RIF1: variants seen among roughly 807,000 people sequenced by gnomAD.
The protein encoded by RIF1 is replication timing regulatory factor 1.
Under a neutral mutation model 247.1 loss-of-function variants are expected in RIF1, and 45 were observed. The ratio of observed to expected loss-of-function variants is 0.18; its 90% CI spans 0.14 to 0.23. The LOEUF (loss-of-function observed/expected upper bound fraction) is 0.23. Among genes scored for constraint, RIF1 ranks in the 10% least tolerant of loss-of-function variants. The pLI, the probability that RIF1 is intolerant of heterozygous loss-of-function variation, is 1.00. For synonymous variants in RIF1, 1,087 were observed against 978.8 expected (o/e 1.11, Z -2.06); for missense variants, 2,967 against 2,862.5 (o/e 1.04, Z -0.83).
intron 11 of RIF1, chr2:151,501,269 T>C (rs921236448): frequency 3.2e-6 from 2 of 623,650 alleles, no homozygotes; most frequent in African/African-American, 3.7e-5. Context: ...AAGGATTCAG[T>C]TGATGTGATT....
chr2:151,412,738 C>T (rs1196976943), intron 3 of RIF1, among the ~76,000 whole-genome samples: 1 of 152,136 alleles, frequency 6.6e-6, no homozygotes, highest in East Asian at 1.9e-4. Context: ...CCGCCTTGGC[C>T]TCTCAGAGGG....
rs1573821165 is a variant in RIF1, at chr2:151,411,326, C to A, written c.171C>A (p.Tyr57Ter). 6.3e-7 allele frequency: 1 copy of A among 1,585,128 alleles called. No homozygotes were observed. The highest frequency in any genetic ancestry group is 8.6e-7 in the Non-Finnish European group (1 of 1,159,354). Residue 57 changes from tyrosine to a stop codon, truncating the protein, a stop_gained, in exon 3 of 36, where the codon TAC becomes TAA. Coordinates refer to ENST00000444746, the MANE Select transcript of RIF1 (RefSeq NM_018151.5). LOFTEE classifies it high-confidence loss of function. ...TEIEKKLPRL[Y>*]KVLKTHISSQ... is the part of the protein sequence containing the mutation. ...TTGAGAAAAAACTTCCTCGGCTGTA[C>A]AAAGTTTTAAAGGTATGTATCTGTT... is the stretch of plus-strand genomic sequence containing the variant.
chr2:151,487,045 T>TTG (rs568565482), downstream of RIF1, among the ~76,000 whole-genome samples: 386 of 151,720 alleles, frequency 2.5e-3, no homozygotes, highest in Non-Finnish European at 4.5e-3. Flanking sequence ...ATGCATGAAA[T>TTG]TGTGTGTGTG....
chr2:151,496,555 C>T (rs1392897604), intron 10 of RIF1, among the ~76,000 whole-genome samples: 1 of 152,176 alleles, frequency 6.6e-6, no homozygotes, highest in Non-Finnish European at 1.5e-5. Flanking sequence ...AATCTGCACC[C>T]TCTAGAGAAG....
At chr2:151,503,774 G>A (rs77695696) in intron 12 of RIF1, among the ~76,000 whole-genome samples, 3 of 152,154 alleles carry the variant, frequency 2.0e-5, no homozygotes, top group African/African-American at 4.8e-5. Context: ...TAGTAGGCCT[G>A]CAGTAGACTT....
At position 151,476,327 on chromosome 2, in the gene RIF1, G is replaced by A. The variant is rs939412473; in HGVS notation, c.*1256G>A. ...GCCTAGGTTTTCTTTTTTTAAAGAG[G>A]TATGTAATTAAAACCTTTGTAAAAT... On this transcript the variant is annotated 3_prime_UTR_variant, in exon 36 of 36. Coordinates refer to ENST00000444746, the MANE Select transcript of RIF1 (RefSeq NM_018151.5). 3.3e-5 allele frequency: 5 copies of A among 152,234 alleles called. No homozygotes were observed. The South Asian group carries it at 6.2e-4, about 19-fold the overall frequency. 9.4% of individuals were successfully genotyped at this position (152,234 alleles called of 1,614,324 possible). A position where few individuals can be genotyped will look rare whatever the true frequency, so the allele number is the denominator to read the frequency against.
Position 151,437,004 on chromosome 2 carries a change from G to C in RIF1, c.1372+1G>C. The C allele has an allele frequency of 6.2e-7, 1 of 1,605,020 alleles. No homozygotes were observed. Among genetic ancestry groups the C allele is most frequent in the Non-Finnish European group, 8.5e-7 (1 of 1,176,504 alleles). ...CAAAATAAACTTGTGCTGAGCTTAG[G>C]TATTTAAAGGTTTTAAGAATAATTT... On this transcript the variant is annotated splice_donor_variant, in intron 12 of 35. Transcript: ENST00000444746. LOFTEE classifies it high-confidence loss of function.
rs1180624182 is a variant in RIF1, at chr2:151,463,462, T to C, written c.3942T>C (p.Thr1314=). 3.1e-6 allele frequency: 5 copies of C among 1,614,042 alleles called. No individual in the cohort carries two copies. Among genetic ancestry groups the C allele is most frequent in the Non-Finnish European group, 3.4e-6 (4 of 1,179,952 alleles). The change falls in exon 30 of 36, where the codon ACT becomes ACC. Residue 1314 remains threonine (T), a synonymous_variant. Coordinates refer to ENST00000444746, the MANE Select transcript of RIF1 (RefSeq NM_018151.5). ...TGAGATCTGAGCCGGAGAAAAATAC[T>C]GAGGAATCTGTTGAAGGCATTGTAG... ...PLMRSEPEKN[T]EESVEGIVVL...
In RIF1 at chr2:151,463,865, A is replaced by G; in HGVS notation, c.4345A>G (p.Lys1449Glu). The G allele has an allele frequency of 6.2e-7, 1 of 1,612,472 alleles. No individual in the cohort carries two copies. Among genetic ancestry groups the G allele is most frequent in the South Asian group, 1.1e-5 (1 of 90,616 alleles). ...QKKERRKEEE[K>E]PLQKSPLHIK... ...AAAGGAACGACGTAAGGAAGAAGAA[A>G]AACCTCTTCAGAAGAGTCCATTGCA... Residue 1449 changes from lysine to glutamate, a missense_variant, in exon 30 of 36, where the codon AAA (lysine) becomes GAA (glutamate). Around this residue, in one of 7 missense-constraint regions of RIF1, gnomAD observed 2,028 missense variants for 1,825.6 expected, o/e 1.11. Transcript: ENST00000444746.
chr2:151,514,216 TTTCTCTG>T, the RIF1 span: 2 of 779,360 alleles, frequency 2.6e-6, no homozygotes, highest in Non-Finnish European at 4.4e-6. Flanking sequence ...AAGCTCTGTT[TTTCTCTG>T]TTCTCTGTTT....
In RIF1 at chr2:151,506,910, G is replaced by A. The variant is rs200454939; in HGVS notation, c.*1027+535G>A. 39 of 1,583,750 alleles carry A rather than the reference G, an allele frequency of 2.5e-5. No homozygotes were observed. The highest frequency in any genetic ancestry group is 1.1e-4 in the African/African-American group (8 of 74,214). On this transcript the variant is annotated intron_variant and NMD_transcript_variant, in intron 13 of 13. Transcript: ENST00000454583. ...ATGCAAAATAAATAGTAAATATACCGAGCTGAAATTCTTCTGATTTTCTTT... is the reference window on the plus strand; with the variant it reads ...ATGCAAAATAAATAGTAAATATACCAAGCTGAAATTCTTCTGATTTTCTTT...
At chr2:151,447,329 A>T (rs1002210911) in intron 20 of RIF1, among the ~76,000 whole-genome samples, 4 of 152,210 alleles carry the variant, frequency 2.6e-5, no homozygotes, top group African/African-American at 9.6e-5. Flanking sequence ...CTGTTTACGC[A>T]TGTCATTTGT....
intron 9 of RIF1, among the ~76,000 whole-genome samples, chr2:151,431,072 T>A (rs910841457): frequency 1.3e-5 from 2 of 152,176 alleles, no homozygotes; most frequent in African/African-American, 4.8e-5. Context: ...TCTTTAGGAA[T>A]TAAGTTAAAG....
rs554972925 is a variant in RIF1, at chr2:151,431,702, C to T, written c.926-1375C>T. On this transcript the variant is annotated intron_variant, in intron 9 of 35. Transcript: ENST00000444746. ...CTTGGGAGGCAGAGGCAGGAGAATC[C>T]GGGAGGAGGAGGCTGCAGTGAGCCG... Among the ~76,000 whole-genome samples the T allele has an allele frequency of 3.0e-4, 45 of 152,076 alleles. No individual in the cohort carries two copies. The South Asian group carries it at 4.4e-3, about 15-fold the overall frequency.
intron 11 of RIF1, 23 bp from the exon 12 acceptor site, chr2:151,436,804 C>CT: frequency 6.8e-7 from 1 of 1,477,166 alleles, no homozygotes; most frequent in Non-Finnish European, 9.1e-7. Flanking sequence ...TATGACTTAA[C>CT]TCTTTTTTTT....
In RIF1 at chr2:151,463,392, C is replaced by T. The variant is rs772035122; in HGVS notation, c.3872C>T (p.Ala1291Val). Residue 1291 changes from alanine (A) to valine (V), a missense_variant, in exon 30 of 36, where the codon GCT becomes GTT. This residue lies in a region of RIF1 where 2,028 missense variants were observed against 1,825.6 expected (regional missense o/e 1.11). Coordinates refer to ENST00000444746, the MANE Select transcript of RIF1 (RefSeq NM_018151.5). ...GGAACTAAGAGATCAAGCCGGAGAG[C>T]TGGTAAAGCTGAACAAACAGGGAAT... ...VNGTKRSSRR[A>V]GKAEQTGNKR... 2 of 1,613,882 alleles carry T rather than the reference C, an allele frequency of 1.2e-6. No individual in the cohort carries two copies. The highest frequency in any genetic ancestry group is 8.5e-7 in the Non-Finnish European group (1 of 1,179,946).
chr2:151,517,322 C>T, the RIF1 span, among the ~76,000 whole-genome samples: 3 of 152,302 alleles, frequency 2.0e-5, no homozygotes, highest in South Asian at 2.1e-4. Context: ...GCTCAATCTC[C>T]GAGCTCTTGG....
intron 14 of RIF1, among the ~76,000 whole-genome samples, chr2:151,439,126 A>G (rs1691783592): frequency 6.6e-6 from 1 of 152,194 alleles, no homozygotes; most frequent in South Asian, 2.1e-4. Context: ...GGAAAATCAT[A>G]AGAGAAAACA....
At chr2:151,523,428 C>T in the RIF1 span, among the ~76,000 whole-genome samples, 3 of 152,192 alleles carry the variant, frequency 2.0e-5, no homozygotes, top group African/African-American at 2.4e-5. Flanking sequence ...CAGTCACTCA[C>T]GACAACCAAA....
Sources: gnomAD v4.1 joint callset for allele counts (sites outside exome capture counted in the v4.1 genomes callset) on GRCh38, gnomAD v4.1.1 for gene constraint, gnomAD v4.1.1 regional missense constraint, MANE v1.5 for transcripts, NCBI Gene and HGNC (gene_info 2026-07-23, HGNC 2026-07-21) for gene names.